CLUAP1: variants seen among roughly 807,000 people sequenced by gnomAD.
The protein encoded by CLUAP1 is intraflagellar transport 38, also known as clusterin-associated protein 1.
CLUAP1 carries 50 observed loss-of-function variants against 55.0 expected under a neutral mutation model. The observed-to-expected ratio is 0.91, with a 90% CI of 0.72 to 1.15. The LOEUF is 1.15. Ranked by LOEUF, CLUAP1 falls within the 50% of genes most tolerant of loss-of-function variation. CLUAP1 has a pLI of 0.00. For synonymous variants in CLUAP1, 195 were observed against 175.4 expected (o/e 1.11, Z -0.88); for missense variants, 530 against 507.6 (o/e 1.04, Z -0.42).
In CLUAP1 at chr16:3,519,954, G is replaced by C. The variant is rs1020410257; in HGVS notation, c.631G>C (p.Ala211Pro). ...GCTCAATAATGTGGCCTCTGATGAAGCTAATTTAGAAGCCAAAATCGAAAA... is the reference window on the plus strand; with the variant it reads ...GCTCAATAATGTGGCCTCTGATGAACCTAATTTAGAAGCCAAAATCGAAAA... Reference protein sequence around the residue: ...DLLNNVASDEANLEAKIEKRK... With the variant: ...DLLNNVASDEPNLEAKIEKRK... The change falls in exon 7 of 12, where the codon GCT becomes CCT. Residue 211 changes from alanine to proline, a missense_variant. Coordinates refer to ENST00000576634, the MANE Select transcript of CLUAP1 (RefSeq NM_015041.3). 2 of 1,613,768 alleles carry C rather than the reference G, an allele frequency of 1.2e-6. No individual in the cohort carries two copies. The highest frequency in any genetic ancestry group is 1.7e-6 in the Non-Finnish European group (2 of 1,179,854).
chr16:3,516,772 G>A (rs915008712), intron 6 of CLUAP1, among the ~76,000 whole-genome samples: 5 of 152,140 alleles, frequency 3.3e-5, no homozygotes, highest in East Asian at 1.9e-4. Context: ...CTGAGCACAC[G>A]TAGCACCTGG....
At chr16:3,533,943 G>C (rs927432817) in intron 11 of CLUAP1, 1 of 152,272 alleles carries the variant, frequency 6.6e-6, no homozygotes, top group Non-Finnish European at 1.5e-5. Flanking sequence ...TCCTCAGAGC[G>C]AATGCATTAG....
intron 7 of CLUAP1, among the ~76,000 whole-genome samples, chr16:3,522,232 C>T (rs753524049): frequency 2.0e-5 from 3 of 151,946 alleles, no homozygotes; most frequent in Admixed American, 6.5e-5. Flanking sequence ...GGCGCAATCT[C>T]GGCTCACTGC....
intron 8 of CLUAP1, 75 bp from the exon 9 acceptor site, chr16:3,526,337 T>C: frequency 2.0e-6 from 2 of 982,790 alleles, no homozygotes; most frequent in Non-Finnish European, 1.5e-6. Flanking sequence ...TAGCAGTCCT[T>C]ACACAGTGGT....
At chr16:3,500,333 G>A (rs1424642004), upstream of CLUAP1, among the ~76,000 whole-genome samples, 1 of 152,156 alleles carries the variant, frequency 6.6e-6, no homozygotes, top group Non-Finnish European at 1.5e-5. Context: ...CTGTGCCTCG[G>A]ACGGGGGAAG....
chr16:3,526,250 C>G (rs1480504061), intron 8 of CLUAP1, among the ~76,000 whole-genome samples, 162 bp from the exon 9 acceptor site: 2 of 152,176 alleles, frequency 1.3e-5, no homozygotes, highest in Non-Finnish European at 2.9e-5. Context: ...GTTTCAGGAC[C>G]CTGGAGTTGC....
Position 3,526,542 on chromosome 16 carries a change from A to AATAT in CLUAP1, c.928+64_928+67dup, listed in dbSNP as rs111842321. 470 of 1,168,340 alleles carry AATAT rather than the reference A, an allele frequency of 4.0e-4. 6 individuals are homozygous for AATAT. The African/African-American group carries it at 6.1e-3, about 15-fold the overall frequency. The allele number at this position is 1,168,340 out of a possible 1,614,324, so 72.4% of individuals were successfully genotyped here. ...TCTGGACTAGTATTTTCAGCCTTGA[A>AATAT]ATATATATAGAGAGATATATATATA... On this transcript the variant is annotated intron_variant, in intron 9 of 11. Transcript: ENST00000576634.
the CLUAP1 span, chr16:3,495,587 T>C: frequency 2.8e-6 from 4 of 1,405,684 alleles, no homozygotes; most frequent in Non-Finnish European, 3.8e-6. Context: ...GAGAGGACAG[T>C]GCCCAAGGCA....
At chr16:3,516,029 G>C (rs1288020264) in intron 6 of CLUAP1, among the ~76,000 whole-genome samples, 1 of 152,196 alleles carries the variant, frequency 6.6e-6, no homozygotes, top group Non-Finnish European at 1.5e-5. Context: ...TTGGAAGGCA[G>C]ATCATGAGGG....
chr16:3,524,027 G>A (rs984154713), intron 8 of CLUAP1, among the ~76,000 whole-genome samples: 2 of 152,134 alleles, frequency 1.3e-5, no homozygotes, highest in South Asian at 2.1e-4. Flanking sequence ...GGCAAGGTGC[G>A]ATGGCTTATA....
chr16:3,501,113 G>T, intron 1 of CLUAP1, 24 bp downstream of exon 1: 2 of 1,580,748 alleles, frequency 1.3e-6, no homozygotes, highest in South Asian at 2.3e-5. Flanking sequence ...GCGCCCCTGT[G>T]ACCTGCGGGT....
At chr16:3,502,809 G>T (rs2037432547) in intron 1 of CLUAP1, among the ~76,000 whole-genome samples, 1 of 152,124 alleles carries the variant, frequency 6.6e-6, no homozygotes, top group Admixed American at 6.5e-5. Flanking sequence ...GGAGATTTCG[G>T]AATATTTTGA....
At chr16:3,530,077 C>T (rs1015672511) in intron 9 of CLUAP1, among the ~76,000 whole-genome samples, 1 of 150,212 alleles carries the variant, frequency 6.7e-6, no homozygotes, top group Non-Finnish European at 1.5e-5. Flanking sequence ...TCTTGCCGCA[C>T]CATCCCATGG....
At chr16:3,529,690 T>TTATATA (rs2038054193) in intron 9 of CLUAP1, among the ~76,000 whole-genome samples, 2 of 20,980 alleles carry the variant, frequency 9.5e-5, no homozygotes, top group South Asian at 1.4e-3. Flanking sequence ...TATATTATTA[T>TTATATA]ATATTATATA....
intron 6 of CLUAP1, among the ~76,000 whole-genome samples, chr16:3,518,713 C>G (rs1350104521): frequency 6.6e-6 from 1 of 152,180 alleles, no homozygotes; most frequent in Non-Finnish European, 1.5e-5. Context: ...TGATAAGGGT[C>G]TGATTATTTT....
chr16:3,526,210 C>T (rs1024961261), intron 8 of CLUAP1, among the ~76,000 whole-genome samples: 1 of 152,166 alleles, frequency 6.6e-6, no homozygotes, highest in African/African-American at 2.4e-5. Context: ...CACCAGGCCA[C>T]GAGGCAACCG....
intron 6 of CLUAP1, 36 bp downstream of exon 6, chr16:3,515,627 G>T (rs376172331): frequency 6.4e-6 from 9 of 1,398,288 alleles, no homozygotes; most frequent in African/African-American, 5.9e-5. Context: ...TGTTTTTTAT[G>T]CCTGGGATTC....
Position 3,510,479 on chromosome 16 carries a change from A to G in CLUAP1, c.400-1904A>G, listed in dbSNP as rs140616760. Among the ~76,000 whole-genome samples the G allele has an allele frequency of 3.6e-4, 55 of 152,188 alleles. No individual in the cohort carries two copies. In the East Asian group the frequency reaches 0.01, roughly 28 times the overall value. On this transcript the variant is annotated intron_variant, in intron 4 of 11. Transcript: ENST00000576634. Reference sequence around the variant, plus strand: ...CAGGAGCGACACTCGTCAGCAAGAGAAGTGTCTAGAGATTGGGGCATATTT... The same window carrying G: ...CAGGAGCGACACTCGTCAGCAAGAGGAGTGTCTAGAGATTGGGGCATATTT...
chr16:3,520,361 G>A (rs562938352), intron 7 of CLUAP1, among the ~76,000 whole-genome samples: 1 of 152,106 alleles, frequency 6.6e-6, no homozygotes, highest in Admixed American at 6.5e-5. Flanking sequence ...CACAGAACAA[G>A]GCCGAGTAAC....
Sources: gnomAD v4.1 joint callset for allele counts (sites outside exome capture counted in the v4.1 genomes callset) on GRCh38, gnomAD v4.1.1 for gene constraint, MANE v1.5 for transcripts, NCBI Gene and HGNC (gene_info 2026-07-23, HGNC 2026-07-21) for gene names.